Variants in CCL22 observed in about 807,000 individuals in gnomAD.
CCL22 encodes the protein C-C motif chemokine 22.
CCL22 carries 7 observed loss-of-function variants against 7.6 expected under a neutral mutation model. The ratio of observed to expected loss-of-function variants is 0.92; its 90% confidence interval spans 0.52 to 1.72. The LOEUF (loss-of-function observed/expected upper bound fraction) is 1.72, where lower values mean the gene tolerates loss of function less well. Among genes scored for constraint, CCL22 ranks in the 40% most tolerant of loss-of-function variants. CCL22 has a pLI of 0.00. For missense variants in CCL22, 115 were observed against 124.7 expected (o/e 0.92, Z 0.37); for synonymous variants, 55 against 47.2 (o/e 1.17, Z -0.68).
In CCL22 at chr16:57,366,120, G is replaced by C. The variant is rs530786381; in HGVS notation, c.*2532G>C. 12 of 152,428 alleles carry C rather than the reference G, an allele frequency of 7.9e-5. No homozygotes were observed. The highest frequency in any genetic ancestry group is 1.0e-4 in the Non-Finnish European group (7 of 68,198). The allele number at this position is 152,428 out of a possible 1,614,324, so 9.4% of individuals were successfully genotyped here. A position where few individuals can be genotyped will look rare whatever the true frequency, so the allele number is the denominator to read the frequency against. ...CATGAACGGGGCCCTCAAGCGTCCTGGGATCTCCTTCTCCCTCCTGTCCTG... is the reference window on the plus strand; with the variant it reads ...CATGAACGGGGCCCTCAAGCGTCCTCGGATCTCCTTCTCCCTCCTGTCCTG... On this transcript the variant is annotated 3_prime_UTR_variant, in exon 3 of 3. Transcript: ENST00000219235.
At position 57,365,476 on chromosome 16, in the gene CCL22, G is replaced by A. The variant is rs946382452; in HGVS notation, c.*1888G>A. 11 of 152,242 alleles carry A rather than the reference G, an allele frequency of 7.2e-5. No individual in the cohort carries two copies. The highest frequency in any genetic ancestry group is 2.0e-4 in the Admixed American group (3 of 15,288). The allele number at this position is 152,242 out of a possible 1,614,324, so 9.4% of individuals were successfully genotyped here. A position where few individuals can be genotyped will look rare whatever the true frequency, so the allele number is the denominator to read the frequency against. On this transcript the variant is annotated 3_prime_UTR_variant, in exon 3 of 3. Coordinates refer to ENST00000219235, the MANE Select transcript of CCL22 (RefSeq NM_002990.5). ...CTGGGAGGAAGCTGGCTGTGGTAGCGTAGCGCTCTCTCTCTCTGTCTGTGG... is the reference window on the plus strand; with the variant it reads ...CTGGGAGGAAGCTGGCTGTGGTAGCATAGCGCTCTCTCTCTCTGTCTGTGG...
Position 57,365,897 on chromosome 16 carries a change from T to C in CCL22, c.*2309T>C, listed in dbSNP as rs1323386814. ...GAACCTGTGGAATTGGAGGAGGCCATTTCACTCCCTGAACCCAGCCTGACA... is the reference window on the plus strand; with the variant it reads ...GAACCTGTGGAATTGGAGGAGGCCACTTCACTCCCTGAACCCAGCCTGACA... On this transcript the variant is annotated 3_prime_UTR_variant, in exon 3 of 3. Coordinates refer to ENST00000219235, the MANE Select transcript of CCL22 (RefSeq NM_002990.5). 6.6e-6 allele frequency: 1 copy of C among 152,254 alleles called. No individual in the cohort carries two copies. The highest frequency in any genetic ancestry group is 1.5e-5 in the Non-Finnish European group (1 of 68,100). The allele number at this position is 152,254 out of a possible 1,614,324, so 9.4% of individuals were successfully genotyped here.
At chr16:57,361,258 C>CAAAAAA (rs68168072) in intron 2 of CCL22, among the ~76,000 whole-genome samples, 1 of 114,744 alleles carries the variant, frequency 8.7e-6, no homozygotes, top group African/African-American at 3.6e-5. Flanking sequence ...GACTCTGTCT[C>CAAAAAA]AAAAAAAAAA....
At chr16:57,360,676 C>T (rs1365914413) in intron 2 of CCL22, 116 bp downstream of exon 2, 8 of 1,246,788 alleles carry the variant, frequency 6.4e-6, no homozygotes, top group African/African-American at 4.4e-5. Flanking sequence ...GGCAGGGCTA[C>T]CAGATGCCTG....
intron 1 of CCL22, 54 bp from the exon 2 acceptor site, chr16:57,360,376 GGGGCCGA>G: frequency 7.5e-6 from 12 of 1,602,606 alleles, no homozygotes; most frequent in Non-Finnish European, 1.0e-5. Context: ...ATCAGGGGCT[GGGGCCGA>G]GGGTGACCTC....
rs771052009 is a variant in CCL22, at chr16:57,358,930, G to A, written c.73+41G>A. On this transcript the variant is annotated intron_variant, in intron 1 of 2. Coordinates refer to ENST00000219235, the MANE Select transcript of CCL22 (RefSeq NM_002990.5). ...AGGAAGACCCCCTACAGAGGCCAGG[G>A]CAGACGGTGGGGTGTCTTCCTCATG... 4.1e-6 allele frequency: 6 copies of A among 1,466,070 alleles called. No individual in the cohort carries two copies. In the East Asian group the frequency reaches 1.1e-4, roughly 28 times the overall value. 90.8% of individuals were successfully genotyped at this position (1,466,070 alleles called of 1,614,324 possible).
At chr16:57,363,429 C>A in intron 2 of CCL22, 75 bp from the exon 3 acceptor site, 1 of 932,148 alleles carries the variant, frequency 1.1e-6, no homozygotes, top group Non-Finnish European at 1.7e-6. Context: ...CTCATAAATG[C>A]TAAGCTCCCG....
upstream of CCL22, chr16:57,358,728 T>A (rs186367856): frequency 6.2e-6 from 6 of 969,352 alleles, no homozygotes; most frequent in African/African-American, 6.4e-5. Flanking sequence ...GGTAAGTAAG[T>A]GAGGCTTGTG....
chr16:57,360,101 A>C (rs1357383888), intron 1 of CCL22, among the ~76,000 whole-genome samples: 2 of 152,138 alleles, frequency 1.3e-5, no homozygotes, highest in East Asian at 3.9e-4. Context: ...AGTGCTTTTC[A>C]TGCATTAAAG....
chr16:57,365,465 G>T lies in CCL22; in HGVS notation c.*1877G>T, dbSNP rs1370515579. On this transcript the variant is annotated 3_prime_UTR_variant, in exon 3 of 3. Coordinates refer to ENST00000219235, the MANE Select transcript of CCL22 (RefSeq NM_002990.5). ...CTTTCCTGGCCCTGGGAGGAAGCTGGCTGTGGTAGCGTAGCGCTCTCTCTC... is the reference window on the plus strand; with the variant it reads ...CTTTCCTGGCCCTGGGAGGAAGCTGTCTGTGGTAGCGTAGCGCTCTCTCTC... The T allele has an allele frequency of 6.6e-6, 1 of 152,288 alleles. No homozygotes were observed. Among genetic ancestry groups the T allele is most frequent in the African/African-American group, 2.4e-5 (1 of 41,454 alleles). The allele number at this position is 152,288 out of a possible 1,614,324, so 9.4% of individuals were successfully genotyped here.
Position 57,365,460 on chromosome 16 carries a change from AGCTGGCTGTGGTAGCGTAGC to A in CCL22, c.*1876_*1895del, listed in dbSNP as rs1439006834. 6.6e-6 allele frequency: 1 copy of A among 152,288 alleles called. No individual in the cohort carries two copies. Among genetic ancestry groups the A allele is most frequent in the African/African-American group, 2.4e-5 (1 of 41,458 alleles). The allele number at this position is 152,288 out of a possible 1,614,324, so 9.4% of individuals were successfully genotyped here. A position where few individuals can be genotyped will look rare whatever the true frequency, so the allele number is the denominator to read the frequency against. ...TGGAGCTTTCCTGGCCCTGGGAGGAAGCTGGCTGTGGTAGCGTAGCGCTCTCTCTCTCTGTCTGTGGCAGG... is the reference window on the plus strand; with the variant it reads ...TGGAGCTTTCCTGGCCCTGGGAGGAAGCTCTCTCTCTCTGTCTGTGGCAGG... On this transcript the variant is annotated 3_prime_UTR_variant, in exon 3 of 3. Transcript: ENST00000219235.
At position 57,358,872 on chromosome 16, in the gene CCL22, T is replaced by C. The variant is rs1191473970; in HGVS notation, c.56T>C (p.Leu19Pro). 1.9e-6 allele frequency: 3 copies of C among 1,613,618 alleles called. No homozygotes were observed. In the East Asian group the frequency reaches 6.7e-5, roughly 36 times the overall value. The change falls in exon 1 of 3, where the codon CTT becomes CCT. Residue 19 changes from leucine (L) to proline (P), a missense_variant. Physicochemically the swap from Leu to Pro is moderately conservative, Grantham distance 98. Transcript: ENST00000219235. ...GTCCTCGTCCTCCTTGCTGTGGCGC[T>C]TCAAGCAACTGAGGCAGGTGAGGCT... is the stretch of plus-strand genomic sequence containing the variant. ...LVVLVLLAVA[L>P]QATEAGPYGA...
At chr16:57,362,827 C>T (rs2146498731) in intron 2 of CCL22, among the ~76,000 whole-genome samples, 1 of 152,178 alleles carries the variant, frequency 6.6e-6, no homozygotes, top group East Asian at 1.9e-4. Flanking sequence ...TACCACTACA[C>T]TCCAGCCTGG....
Position 57,363,690 on chromosome 16 carries a change from T to C in CCL22, c.*102T>C. On this transcript the variant is annotated 3_prime_UTR_variant, in exon 3 of 3. Transcript: ENST00000219235. ...CTCCCCGCCAGAAGCCTGTGCCAAC[T>C]CTCTGCATTCCCTGATCTCCATCCC... is the stretch of plus-strand genomic sequence containing the variant. 1 of 734,658 alleles carries C rather than the reference T, an allele frequency of 1.4e-6. No homozygotes were observed. The highest frequency in any genetic ancestry group is 2.4e-6 in the Non-Finnish European group (1 of 415,406). 45.5% of individuals were successfully genotyped at this position (734,658 alleles called of 1,614,324 possible).
At position 57,360,448 on chromosome 16, in the gene CCL22, G is replaced by A. The variant is rs151094699; in HGVS notation, c.85G>A (p.Ala29Thr). Reference protein sequence around the residue: ...LQATEAGPYGANMEDSVCCRD... With the variant: ...LQATEAGPYGTNMEDSVCCRD... ...GACCCCTCCCCTAGGCCCCTACGGC[G>A]CCAACATGGAAGACAGCGTCTGCTG... The change falls in exon 2 of 3, where the codon GCC (alanine) becomes ACC (threonine). Residue 29 changes from alanine to threonine, a missense_variant. Coordinates refer to ENST00000219235, the MANE Select transcript of CCL22 (RefSeq NM_002990.5). 270 of 1,614,048 alleles carry A rather than the reference G, an allele frequency of 1.7e-4. No individual in the cohort carries two copies. Among genetic ancestry groups the A allele is most frequent in the Non-Finnish European group, 2.2e-4 (254 of 1,180,036 alleles).
At chr16:57,362,410 C>T (rs1443160249) in intron 2 of CCL22, among the ~76,000 whole-genome samples, 1 of 151,986 alleles carries the variant, frequency 6.6e-6, no homozygotes. Flanking sequence ...CACTTGAGGC[C>T]AGGAGTTCAA....
rs1258456533 is a variant in CCL22 at position 57,363,518 on chromosome 16, G to A, written c.212G>A (p.Arg71Lys). 1 of 1,613,028 alleles carries A rather than the reference G, an allele frequency of 6.2e-7. No homozygotes were observed. Among genetic ancestry groups the A allele is most frequent in the Non-Finnish European group, 8.5e-7 (1 of 1,179,222 alleles). ...PRPGVVLLTF[R>K]DKEICADPRV... ...CCTTCTTCCAGGTTGCTAACCTTCAGGGATAAGGAGATCTGTGCCGATCCC... is the reference window on the plus strand; with the variant it reads ...CCTTCTTCCAGGTTGCTAACCTTCAAGGATAAGGAGATCTGTGCCGATCCC... Residue 71 changes from arginine (R) to lysine (K), a missense_variant, in exon 3 of 3, where the codon AGG becomes AAG. Coordinates refer to ENST00000219235, the MANE Select transcript of CCL22 (RefSeq NM_002990.5).
In CCL22 at chr16:57,364,364, C is replaced by T. The variant is rs1216553231; in HGVS notation, c.*776C>T. On this transcript the variant is annotated 3_prime_UTR_variant, in exon 3 of 3. Transcript: ENST00000219235. Reference sequence around the variant, plus strand: ...ATAAAACTAATGTCCCTCCCCTCTCCCTGCCAAAAGGCAGTTACATATCAA... The same window carrying T: ...ATAAAACTAATGTCCCTCCCCTCTCTCTGCCAAAAGGCAGTTACATATCAA... 1 of 152,244 alleles carries T rather than the reference C, an allele frequency of 6.6e-6. No homozygotes were observed. Among genetic ancestry groups the T allele is most frequent in the East Asian group, 1.9e-4 (1 of 5,196 alleles). The allele number at this position is 152,244 out of a possible 1,614,324, so 9.4% of individuals were successfully genotyped here. A position where few individuals can be genotyped will look rare whatever the true frequency, so the allele number is the denominator to read the frequency against.
intron 2 of CCL22, among the ~76,000 whole-genome samples, chr16:57,362,125 A>G (rs1734977496): frequency 6.6e-6 from 1 of 152,136 alleles, no homozygotes; most frequent in Non-Finnish European, 1.5e-5. Context: ...CAAAAAGGTT[A>G]GGGGGCCTCT....
Sources: allele counts gnomAD v4.1 joint callset (sites outside exome capture counted in the v4.1 genomes callset), GRCh38; gene constraint gnomAD v4.1.1; transcripts MANE v1.5; gene names NCBI Gene and HGNC (gene_info 2026-07-23, HGNC 2026-07-21).